MAP3K2: variants seen among roughly 807,000 people sequenced by gnomAD.
The protein encoded by MAP3K2 is MAP/ERK kinase kinase 2.
In MAP3K2, 24 loss-of-function variants were observed where a neutral mutation model predicts 80.3. The observed-to-expected ratio is 0.30, with a 90% confidence interval of 0.22 to 0.42. MAP3K2 has a LOEUF of 0.42. Among genes scored for constraint, MAP3K2 ranks in the 10% least tolerant of loss-of-function variants. MAP3K2 has a pLI of 1.00. For missense variants in MAP3K2, 608 were observed against 750.1 expected, an observed-to-expected ratio of 0.81 and a Z score of 2.21; for synonymous variants, 244 against 253.7, an observed-to-expected ratio of 0.96 and a Z score of 0.36.
At chr2:127,326,244 T>C (rs948525967) in intron 8 of MAP3K2, among the ~76,000 whole-genome samples, 3 of 149,790 alleles carry the variant, frequency 2.0e-5, no homozygotes, top group African/African-American at 7.4e-5. Flanking sequence ...TGTGAACATA[T>C]AATGCGATGC....
In MAP3K2 at chr2:127,323,992, A is replaced by C; in HGVS notation, c.748T>G (p.Tyr250Asp). 6.9e-7 allele frequency: 1 copy of C among 1,451,698 alleles called. No individual in the cohort carries two copies. The highest frequency in any genetic ancestry group is 9.5e-7 in the Non-Finnish European group (1 of 1,055,384). 89.9% of individuals were successfully genotyped at this position (1,451,698 alleles called of 1,614,324 possible). Residue 250 changes from tyrosine to aspartate, a missense_variant and splice_region_variant, in exon 11 of 17, where the codon TAT becomes GAT. By Grantham distance (160) the Tyr-to-Asp change is radical. Coordinates refer to ENST00000682094, the MANE Select transcript of MAP3K2 (RefSeq NM_001371910.2). ...YPDNHQEFSDYDNPIFEKFGK... is the reference protein window; with the variant it reads ...YPDNHQEFSDDDNPIFEKFGK... Reference sequence around the variant, plus strand: ...AATTTCTCAAAGATAGGGTTATCATAGTCTGTTAAGACATATAAGATGGTT... The same window carrying C: ...AATTTCTCAAAGATAGGGTTATCATCGTCTGTTAAGACATATAAGATGGTT...
chr2:127,300,197 T>C lies in MAP3K2; in HGVS notation c.*7382A>G, dbSNP rs1372759123. 3 of 152,140 alleles carry C rather than the reference T, an allele frequency of 2.0e-5. No homozygotes were observed. The highest frequency in any genetic ancestry group is 7.2e-5 in the African/African-American group (3 of 41,448). The allele number at this position is 152,140 out of a possible 1,614,324, so 9.4% of individuals were successfully genotyped here. On this transcript the variant is annotated 3_prime_UTR_variant, in exon 17 of 17. Transcript: ENST00000682094. Reference sequence around the variant, plus strand: ...AGTTAAAACATAAAGACACAGACAGTAGTTCAATGCACGCATTCATGATGC... The same window carrying C: ...AGTTAAAACATAAAGACACAGACAGCAGTTCAATGCACGCATTCATGATGC...
In MAP3K2 at chr2:127,324,249, G is replaced by GA. The variant is rs747809135; in HGVS notation, c.678-9dup. On this transcript the variant is annotated splice_polypyrimidine_tract_variant and intron_variant, in intron 9 of 16. Coordinates refer to ENST00000682094, the MANE Select transcript of MAP3K2 (RefSeq NM_001371910.2). ...GATTTTGGATAGCTCTCTCTATAAA[G>GA]AAAAAACATCACATTAAGTTTACAG... 1.3e-6 allele frequency: 2 copies of GA among 1,503,218 alleles called. No homozygotes were observed. Among genetic ancestry groups the GA allele is most frequent in the Admixed American group, 2.2e-5 (1 of 44,544 alleles). 93.1% of individuals were successfully genotyped at this position (1,503,218 alleles called of 1,614,324 possible).
chr2:127,307,762 C>A lies in MAP3K2; in HGVS notation c.1677G>T (p.Pro559=), dbSNP rs373785879. Residue 559 remains proline (P), a synonymous_variant, in exon 17 of 17, where the codon CCG becomes CCT. Transcript: ENST00000682094. This position sits in a 1 kb window ranked among gnomAD's most constrained non-coding sequence, Gnocchi z 5.4. ...CTVVEMLTEK[P]PWAEFEAMAA... ...CCATTGCTTCAAATTCAGCCCAAGGCGGCTTTTCAGTTAGCATTTCTACCA... is the reference window on the plus strand; with the variant it reads ...CCATTGCTTCAAATTCAGCCCAAGGAGGCTTTTCAGTTAGCATTTCTACCA... The A allele has an allele frequency of 3.6e-5, 58 of 1,595,702 alleles. No homozygotes were observed. The highest frequency in any genetic ancestry group is 4.7e-5 in the Non-Finnish European group (55 of 1,170,354).
Position 127,364,669 on chromosome 2 carries a change from A to G in MAP3K2, c.-65-21475T>C, listed in dbSNP as rs1686941975. 6.6e-6 allele frequency among the ~76,000 whole-genome samples: 1 copy of G among 152,152 alleles called. No individual in the cohort carries two copies. The highest frequency in any genetic ancestry group is 1.5e-5 in the Non-Finnish European group (1 of 68,016). On this transcript the variant is annotated intron_variant, in intron 1 of 16. Transcript: ENST00000682094. This position sits in a 1 kb window ranked among gnomAD's most constrained non-coding sequence, Gnocchi z 4.1. ...CTTCCTAACTATTCCATATTTTTAC[A>G]TGTGCTCTCTGCCACTAGACTACAA...
rs980218484 is a variant in MAP3K2 at position 127,322,515 on chromosome 2, G to C, written c.839-263C>G. On this transcript the variant is annotated intron_variant, in intron 11 of 16. Coordinates refer to ENST00000682094, the MANE Select transcript of MAP3K2 (RefSeq NM_001371910.2). The surrounding 1 kb of genome is among the most constrained non-coding windows in gnomAD (Gnocchi z 4.2). ...GAACCTCCTCACTTCTGGATAAAAA[G>C]GAGGAAAAAAATTTACTCTCATTTC... 6.6e-6 allele frequency among the ~76,000 whole-genome samples: 1 copy of C among 151,992 alleles called. No homozygotes were observed. Among genetic ancestry groups the C allele is most frequent in the Admixed American group, 6.5e-5 (1 of 15,274 alleles).
chr2:127,349,274 C>T (rs1292454364), intron 1 of MAP3K2, among the ~76,000 whole-genome samples: 1 of 152,028 alleles, frequency 6.6e-6, no homozygotes, highest in Non-Finnish European at 1.5e-5. Context: ...GATCCTCTTG[C>T]TGCAGCCTCT....
In MAP3K2 at chr2:127,348,301, T is replaced by C. The variant is rs151323414; in HGVS notation, c.-65-5107A>G. On this transcript the variant is annotated intron_variant, in intron 1 of 16. Coordinates refer to ENST00000682094, the MANE Select transcript of MAP3K2 (RefSeq NM_001371910.2). ...TACTCAGGAGGCTGAGGCAGGAGAA[T>C]TGCTTGAACATGGGAGGCAGATGTT... 1.8e-3 allele frequency among the ~76,000 whole-genome samples: 269 copies of C among 152,162 alleles called. 2 individuals carry two copies. The highest frequency in any genetic ancestry group is 0.01 in the Middle Eastern group (3 of 294).
In MAP3K2 at chr2:127,338,934, GT is replaced by G; in HGVS notation, c.120del (p.Lys40AsnfsTer29). 5.0e-6 allele frequency: 8 copies of G among 1,587,922 alleles called. No individual in the cohort carries two copies. The highest frequency in any genetic ancestry group is 3.5e-5 in the Admixed American group (2 of 57,970). ...TRKAKSSSPK[K>X]QNDVRVKFEH... is the part of the protein sequence containing the mutation. ...AAAATACTTATTAAAATAAATACCT[GT>G]TTTTTTGGTGATGAAGATTTTGCTT... On this transcript the variant is annotated frameshift_variant, in exon 3 of 17. Transcript: ENST00000682094. LOFTEE classifies it high-confidence loss of function.
In MAP3K2 at chr2:127,370,033, T is replaced by TACA. The variant is rs1317123343; in HGVS notation, c.-66+17418_-66+17419insTGT. 2.7e-5 allele frequency among the ~76,000 whole-genome samples: 4 copies of TACA among 149,306 alleles called. No individual in the cohort carries two copies. The Admixed American group carries it at 2.7e-4, about 10-fold the overall frequency. On this transcript the variant is annotated intron_variant, in intron 1 of 16. Coordinates refer to ENST00000682094, the MANE Select transcript of MAP3K2 (RefSeq NM_001371910.2). ...AACTTTAGGTTAGGTAACAAGGGGA[T>TACA]GTAAAGAAACTCATCTAAGTAAGTT...
intron 12 of MAP3K2, among the ~76,000 whole-genome samples, chr2:127,319,666 A>AAAAAAAAAAAAAAAAG (rs1685976949): frequency 6.7e-6 from 1 of 148,238 alleles, no homozygotes; most frequent in Non-Finnish European, 1.5e-5. Context: ...AAAAAAAAAA[A>AAAAAAAAAAAAAAAAG]AAAAAAAAAA....
intron 1 of MAP3K2, among the ~76,000 whole-genome samples, chr2:127,350,263 T>G (rs1482561673): frequency 1.3e-5 from 2 of 151,714 alleles, no homozygotes; most frequent in African/African-American, 4.8e-5. Flanking sequence ...TGGGACAATT[T>G]GAGCATCAAA....
intron 1 of MAP3K2, among the ~76,000 whole-genome samples, chr2:127,353,334 G>A (rs76816565): frequency 1.3e-5 from 2 of 150,984 alleles, no homozygotes; most frequent in African/African-American, 2.4e-5. Flanking sequence ...TGTGAGGAGC[G>A]CCTCCGCCCG....
intron 1 of MAP3K2, among the ~76,000 whole-genome samples, chr2:127,371,675 T>C (rs540671097): frequency 4.6e-5 from 7 of 152,098 alleles, no homozygotes; most frequent in Non-Finnish European, 8.8e-5. Context: ...AGCCAAAATA[T>C]TGGCTATGGC....
chr2:127,347,395 G>A (rs564338289), intron 1 of MAP3K2, among the ~76,000 whole-genome samples: 1 of 152,124 alleles, frequency 6.6e-6, no homozygotes, highest in South Asian at 2.1e-4. Context: ...ACAGATGCAG[G>A]ATACAAGGTC....
chr2:127,353,026 A>G (rs1686723125), intron 1 of MAP3K2, among the ~76,000 whole-genome samples: 1 of 152,054 alleles, frequency 6.6e-6, no homozygotes, highest in African/African-American at 2.4e-5. Context: ...GCTGGAGTGC[A>G]GTGGCGTGAT....
At chr2:127,331,977 C>A (rs1174799842) in intron 5 of MAP3K2, among the ~76,000 whole-genome samples, 2 of 152,224 alleles carry the variant, frequency 1.3e-5, no homozygotes, top group Non-Finnish European at 2.9e-5. Flanking sequence ...TTCCATCAGA[C>A]AATCTGCTTG....
intron 12 of MAP3K2, among the ~76,000 whole-genome samples, chr2:127,320,572 G>C (rs1037967391): frequency 5.9e-5 from 9 of 152,074 alleles, no homozygotes; most frequent in Non-Finnish European, 1.0e-4. Flanking sequence ...ACTTGGAGAG[G>C]TAACAACTGA....
rs566084053 is a variant in MAP3K2 at position 127,321,472 on chromosome 2, A to C, written c.1045+574T>G. On this transcript the variant is annotated intron_variant, in intron 12 of 16. Transcript: ENST00000682094. The surrounding 1 kb of genome is among the most constrained non-coding windows in gnomAD (Gnocchi z 4.4). ...TTCAGAGTATGCAAATAGTGCTGCA[A>C]TAAACATCTTTGAACATGAATCTTT... Among the ~76,000 whole-genome samples the C allele has an allele frequency of 1.3e-5, 2 of 152,260 alleles. No homozygotes were observed. The highest frequency in any genetic ancestry group is 4.1e-4 in the South Asian group (2 of 4,838).
Sources: allele counts gnomAD v4.1 joint callset (sites outside exome capture counted in the v4.1 genomes callset), GRCh38; gene constraint gnomAD v4.1.1; non-coding constraint Gnocchi (gnomAD v3.1); transcripts MANE v1.5; gene names NCBI Gene and HGNC (gene_info 2026-07-23, HGNC 2026-07-21).